Variants in CDK12 observed in about 807,000 individuals in gnomAD.
CDK12 encodes the protein cyclin-dependent kinase 12.
CDK12 carries 17 observed loss-of-function variants against 133.8 expected under a neutral mutation model. The ratio of observed to expected loss-of-function variants is 0.13; its 90% CI spans 0.09 to 0.19. The LOEUF is 0.19. Among genes scored for constraint, CDK12 ranks in the 10% least tolerant of loss-of-function variants. The probability of loss-of-function intolerance (pLI) is 1.00; values close to 1 mark genes in which losing one functional copy is unlikely to be tolerated. For synonymous variants in CDK12, 694 were observed against 683.6 expected (o/e 1.02, Z -0.24); for missense variants, 1,508 against 1,818.7 (o/e 0.83, Z 3.11).
chr17:39,495,975 G>T (rs1381232388), intron 5 of CDK12, among the ~76,000 whole-genome samples: 2 of 151,202 alleles, frequency 1.3e-5, no homozygotes, highest in African/African-American at 4.9e-5. Context: ...GCATTGGCTC[G>T]ATCTTGGCTT....
chr17:39,477,918 G>C (rs2050345075), intron 2 of CDK12, among the ~76,000 whole-genome samples: 1 of 151,900 alleles, frequency 6.6e-6, no homozygotes, highest in South Asian at 2.1e-4. Flanking sequence ...ACATTGACCA[G>C]GCTGGTCTTG....
intron 8 of CDK12, among the ~76,000 whole-genome samples, chr17:39,514,741 A>T (rs4794813): frequency 0.68 from 103,972 of 152,084 alleles, 36,440 homozygotes; most frequent in South Asian, 0.89. Context: ...ATTTAAACCT[A>T]TTTTATTGAA....
At chr17:39,540,642 G>A (rs1373132855) in intron 1 of CDK12, among the ~76,000 whole-genome samples, 1 of 152,214 alleles carries the variant, frequency 6.6e-6, no homozygotes, top group Non-Finnish European at 1.5e-5. Context: ...CTTGATTCTT[G>A]GAAGGCCTTT....
In CDK12 at chr17:39,525,079, C is replaced by T. The variant is rs8065963; in HGVS notation, c.3307+194C>T. 0.63 allele frequency among the ~76,000 whole-genome samples: 95,814 copies of T among 152,078 alleles called. 32,940 individuals carry two copies. The highest frequency in any genetic ancestry group is 0.89 in the South Asian group (4,289 of 4,822). ...TCGTACATATGGTCCAGAAAGTCTA[C>T]AATAGATCATTTTCCTTTCCTGAAA... On this transcript the variant is annotated intron_variant, in intron 12 of 13. Transcript: ENST00000447079.
chr17:39,488,371 A>G (rs1485650697), intron 2 of CDK12, among the ~76,000 whole-genome samples: 1 of 152,202 alleles, frequency 6.6e-6, no homozygotes, highest in Non-Finnish European at 1.5e-5. Flanking sequence ...TAATTCTGAA[A>G]TAGTTGCTTG....
At chr17:39,539,017 C>T (rs2143656732), downstream of CDK12, among the ~76,000 whole-genome samples, 1 of 152,268 alleles carries the variant, frequency 6.6e-6, no homozygotes, top group South Asian at 2.1e-4. Flanking sequence ...GTTTTTCTCT[C>T]TAACCACACA....
At position 39,462,767 on chromosome 17, in the gene CDK12, A is replaced by C; in HGVS notation, c.696A>C (p.Lys232Asn). The change falls in exon 1 of 14, where the codon AAA (lysine) becomes AAC (asparagine). Residue 232 changes from lysine to asparagine, a missense_variant. Around this residue, in one of 9 missense-constraint regions of CDK12, gnomAD observed 460 missense variants for 490.8 expected, o/e 0.94. Coordinates refer to ENST00000447079, the MANE Select transcript of CDK12 (RefSeq NM_016507.4). Reference sequence around the variant, plus strand: ...ACAGGAAGTGGTCTGACAGCTCCAAACAAGATGATAGCCCCTCGGGAGCTT... The same window carrying C: ...ACAGGAAGTGGTCTGACAGCTCCAACCAAGATGATAGCCCCTCGGGAGCTT... ...SPHRKWSDSSKQDDSPSGASY... is the reference protein window; with the variant it reads ...SPHRKWSDSSNQDDSPSGASY... The C allele has an allele frequency of 6.2e-7, 1 of 1,614,196 alleles. No individual in the cohort carries two copies.
intron 2 of CDK12, among the ~76,000 whole-genome samples, chr17:39,484,224 T>C (rs2050947126): frequency 6.6e-6 from 1 of 152,234 alleles, no homozygotes; most frequent in Non-Finnish European, 1.5e-5. Context: ...TCCAAAATAC[T>C]ATTCATATTC....
chr17:39,482,620 T>TTTTTTTTTTTTA (rs2050807128), intron 2 of CDK12, among the ~76,000 whole-genome samples: 3 of 145,958 alleles, frequency 2.1e-5, no homozygotes, highest in African/African-American at 2.5e-5. Flanking sequence ...TTTTTTTTTT[T>TTTTTTTTTTTTA]GAGGCAGAGT....
In CDK12 at chr17:39,462,126, G is replaced by A; in HGVS notation, c.55G>A (p.Gly19Arg). The A allele has an allele frequency of 6.2e-7, 1 of 1,614,194 alleles. No homozygotes were observed. Among genetic ancestry groups the A allele is most frequent in the Non-Finnish European group, 8.5e-7 (1 of 1,180,002 alleles). Residue 19 changes from glycine (G) to arginine (R), a missense_variant, in exon 1 of 14, where the codon GGA (glycine) becomes AGA (arginine). Physicochemically the swap from Gly to Arg is moderately radical, Grantham distance 125. This residue lies in a region of CDK12 where 460 missense variants were observed against 490.8 expected (regional missense o/e 0.94). Transcript: ENST00000447079. Reference protein sequence around the residue: ...GKKDGSGGASGTLQPSSGGGS... With the variant: ...GKKDGSGGASRTLQPSSGGGS... ...GAAGGACGGGAGTGGAGGAGCTTCT[G>A]GAACTTTGCAGCCGTCATCGGGAGG...
At position 39,520,001 on chromosome 17, in the gene CDK12, A is replaced by G. The variant is rs574842243; in HGVS notation, c.3009A>G (p.Leu1003=). 4.3e-6 allele frequency: 7 copies of G among 1,614,086 alleles called. No homozygotes were observed. The South Asian group carries it at 5.5e-5, about 13-fold the overall frequency. ...ALDLLDHMLT[L]DPSKRCTAEQ... ...ATTTATTGGACCACATGCTGACACT[A>G]GATCCTAGTAAGCGGTGCACAGCTG... Residue 1003 remains leucine (L), a synonymous_variant, in exon 11 of 14, where the codon CTA becomes CTG. Transcript: ENST00000447079.
intron 2 of CDK12, among the ~76,000 whole-genome samples, chr17:39,483,043 G>C (rs1306670867): frequency 1.3e-5 from 2 of 151,666 alleles, no homozygotes; most frequent in Non-Finnish European, 2.9e-5. Context: ...CTCCTGAATA[G>C]CTGGGGTTAC....
chr17:39,512,557 G>T (rs1291383889), intron 8 of CDK12, among the ~76,000 whole-genome samples: 1 of 152,136 alleles, frequency 6.6e-6, no homozygotes. Context: ...TTCTAAATGA[G>T]CAGATTTATA....
intron 5 of CDK12, among the ~76,000 whole-genome samples, chr17:39,495,384 GTTTTTTTTTTTT>G (rs60185847): frequency 1.8e-5 from 2 of 110,690 alleles, no homozygotes; most frequent in African/African-American, 7.4e-5. Context: ...GGCCTCATGT[GTTTTTTTTTTTT>G]TTTTTTTTTT....
At chr17:39,549,799 T>A (rs984148846), upstream of CDK12, 11 of 152,260 alleles carry the variant, frequency 7.2e-5, no homozygotes, top group African/African-American at 2.4e-4. Context: ...GCCCTCTGAC[T>A]GCCCTCTGCC....
At chr17:39,486,702 T>C (rs2051159169) in intron 2 of CDK12, among the ~76,000 whole-genome samples, 1 of 152,070 alleles carries the variant, frequency 6.6e-6, no homozygotes, top group African/African-American at 2.4e-5. Flanking sequence ...TCTTAAAAAT[T>C]AGAATAATTT....
At chr17:39,545,391 G>A (rs2055634823), upstream of CDK12, among the ~76,000 whole-genome samples, 1 of 151,422 alleles carries the variant, frequency 6.6e-6, no homozygotes, top group South Asian at 2.1e-4. Flanking sequence ...GTTCCACCAT[G>A]TTGCCCAGGC....
intron 2 of CDK12, among the ~76,000 whole-genome samples, chr17:39,487,913 C>T (rs903383718): frequency 8.5e-5 from 13 of 152,170 alleles, no homozygotes; most frequent in Admixed American, 6.6e-4. Context: ...CCACACCTGG[C>T]TCTTGGCACA....
chr17:39,536,117 C>T (rs140929267), downstream of CDK12, among the ~76,000 whole-genome samples: 434 of 152,210 alleles, frequency 2.9e-3, 2 homozygotes, highest in Middle Eastern at 0.061. Context: ...TGGGGGAGTA[C>T]GACACCTGAA....
Sources: allele counts gnomAD v4.1 joint callset (sites outside exome capture counted in the v4.1 genomes callset), GRCh38; gene constraint gnomAD v4.1.1; regional missense constraint gnomAD v4.1.1; transcripts MANE v1.5; gene names NCBI Gene and HGNC (gene_info 2026-07-23, HGNC 2026-07-21).